Variants in MTRFR observed in about 807,000 individuals in gnomAD.
MTRFR encodes probable peptide chain release factor C12orf65, mitochondrial.
In MTRFR, 10 loss-of-function variants were observed where a neutral mutation model predicts 11.9. That is an observed-to-expected ratio of 0.84 (90% confidence interval 0.52 to 1.42). The LOEUF (loss-of-function observed/expected upper bound fraction) is 1.42. MTRFR is among the 40% of genes most tolerant of loss of function. MTRFR has a pLI of 0.00. For missense variants in MTRFR, 196 were observed against 197.9 expected (o/e 0.99, Z 0.06); for synonymous variants, 77 against 79.1 (o/e 0.97, Z 0.14).
chr12:123,253,645 A>G lies in MTRFR; in HGVS notation c.-28-2A>G, dbSNP rs2048142584. The G allele has an allele frequency of 6.2e-7, 1 of 1,613,990 alleles. No homozygotes were observed. The highest frequency in any genetic ancestry group is 1.3e-5 in the African/African-American group (1 of 75,032). Reference sequence around the variant, plus strand: ...AAAGCTCTCCTTATTCATCTAACCCAGGTCCTCAGCCAGCAGAGCCACGTT... The same window carrying G: ...AAAGCTCTCCTTATTCATCTAACCCGGGTCCTCAGCCAGCAGAGCCACGTT... On this transcript the variant is annotated splice_acceptor_variant, in intron 1 of 2. Transcript: ENST00000253233. LOFTEE classifies it low-confidence loss of function (5UTR_SPLICE).
chr12:123,254,192 G>A (rs2048154657), intron 2 of MTRFR: 4 of 547,766 alleles, frequency 7.3e-6, no homozygotes, highest in Non-Finnish European at 1.3e-5. Flanking sequence ...GGATCTTTTG[G>A]AGCCAGGGTA....
chr12:123,252,444 A>G (rs1347144151), intron 1 of MTRFR: 1 of 151,834 alleles, frequency 6.6e-6, no homozygotes, highest in East Asian at 1.9e-4. Context: ...AAAAAAAAAA[A>G]AAATTAGTTG....
Position 123,253,963 on chromosome 12 carries a change from C to A in MTRFR, c.282+7C>A, listed in dbSNP as rs575428106. On this transcript the variant is annotated splice_region_variant and intron_variant, in intron 2 of 2. Coordinates refer to ENST00000253233, the MANE Select transcript of MTRFR (RefSeq NM_152269.5). ...CTCAGGCATCGTTGTAAAGGTAGAT[C>A]ACAGAAGGCCGCTGAGGGGAGAGGC... 3 of 1,613,946 alleles carry A rather than the reference C, an allele frequency of 1.9e-6. No individual in the cohort carries two copies. Among genetic ancestry groups the A allele is most frequent in the African/African-American group, 1.3e-5 (1 of 75,046 alleles).
At chr12:123,240,652 G>A (rs569322094) in intron 1 of MTRFR, 29 of 148,858 alleles carry the variant, frequency 1.9e-4, no homozygotes, top group East Asian at 3.9e-4. Context: ...GATAAATGGC[G>A]TCCAGAAGGC....
rs775127232 is a variant in MTRFR at position 123,253,764 on chromosome 12, G to A, written c.90G>A (p.Thr30=). The part of the protein sequence containing the change: ...PWGLRLWEKL[T]LLSPGIAVTP... ...GACTCCGGCTTTGGGAGAAGCTGAC[G>A]TTGTTATCCCCAGGAATAGCTGTCA... The change falls in exon 2 of 3, where the codon ACG becomes ACA. Residue 30 remains threonine (T), a synonymous_variant. Coordinates refer to ENST00000253233, the MANE Select transcript of MTRFR (RefSeq NM_152269.5). The A allele has an allele frequency of 9.1e-5, 147 of 1,614,036 alleles. 1 individual carries two copies. In the South Asian group the frequency reaches 1.4e-3, roughly 15 times the overall value.
rs543710903 is a variant in MTRFR, at chr12:123,250,830, G to A, written c.-28-2817G>A. On this transcript the variant is annotated intron_variant, in intron 1 of 2. Coordinates refer to ENST00000253233, the MANE Select transcript of MTRFR (RefSeq NM_152269.5). ...CTGGTTGGCCTCCTGCCAGGAGGTG[G>A]TCCTTTCCAGAAAGCATCAGCTGTG... The A allele has an allele frequency of 2.0e-5, 3 of 152,360 alleles. No homozygotes were observed. The South Asian group carries it at 6.2e-4, about 32-fold the overall frequency. The allele number at this position is 152,360 out of a possible 1,614,324, so 9.4% of individuals were successfully genotyped here. A position where few individuals can be genotyped will look rare whatever the true frequency, so the allele number is the denominator to read the frequency against.
chr12:123,244,930 ATTTTTTT>A lies in MTRFR; in HGVS notation c.-28-8693_-28-8687del, dbSNP rs544105176. On this transcript the variant is annotated intron_variant, in intron 1 of 2. Transcript: ENST00000253233. ...ACAGGTATGAGCCACCGCACCCGGC[ATTTTTTT>A]TTTTTTTTTTTTTTTTTTTTTTTAG... 9.2e-5 allele frequency among the ~76,000 whole-genome samples: 6 copies of A among 65,094 alleles called. 1 individual carries two copies. The highest frequency in any genetic ancestry group is 1.2e-4 in the Non-Finnish European group (5 of 40,470). 42.7% of individuals were successfully genotyped at this position (65,094 alleles called of 152,430 possible).
chr12:123,246,160 C>T (rs968323268), intron 1 of MTRFR, among the ~76,000 whole-genome samples: 11 of 151,906 alleles, frequency 7.2e-5, no homozygotes, highest in South Asian at 2.1e-4. Context: ...CAGGTTCAAG[C>T]GGTTCTCCTG....
intron 1 of MTRFR, among the ~76,000 whole-genome samples, chr12:123,241,142 T>TG (rs1245805528): frequency 1.3e-4 from 14 of 105,096 alleles, no homozygotes; most frequent in South Asian, 7.1e-4. Flanking sequence ...TTTGGGGTTG[T>TG]TTTTTTTTTG....
intron 1 of MTRFR, among the ~76,000 whole-genome samples, chr12:123,244,332 C>T (rs1278795671): frequency 2.0e-5 from 3 of 151,474 alleles, no homozygotes; most frequent in African/African-American, 4.9e-5. Flanking sequence ...CTCAGGAGGC[C>T]GAGGCAGGAG....
At position 123,256,653 on chromosome 12, in the gene MTRFR, A is replaced by G. The variant is rs10773001; in HGVS notation, c.283-160A>G. Among the ~76,000 whole-genome samples, 96,959 of 152,124 alleles carry G rather than the reference A, an allele frequency of 0.64. 35,451 individuals are homozygous for G. The highest frequency in any genetic ancestry group is 1 in the East Asian group (5,170 of 5,192). On this transcript the variant is annotated intron_variant, in intron 2 of 2. Coordinates refer to ENST00000253233, the MANE Select transcript of MTRFR (RefSeq NM_152269.5). Reference sequence around the variant, plus strand: ...GGAGGTTGCAGTGAGCCAAGATCACACCATTGCACTCTAGCCTGGATGACA... The same window carrying G: ...GGAGGTTGCAGTGAGCCAAGATCACGCCATTGCACTCTAGCCTGGATGACA...
intron 1 of MTRFR, among the ~76,000 whole-genome samples, chr12:123,241,926 C>T (rs920257664): frequency 6.6e-6 from 1 of 152,202 alleles, no homozygotes; most frequent in Non-Finnish European, 1.5e-5. Flanking sequence ...ACAGCAAGCT[C>T]TCCAGGAGGA....
intron 1 of MTRFR, among the ~76,000 whole-genome samples, chr12:123,237,356 G>A (rs1328727279): frequency 6.6e-6 from 1 of 152,172 alleles, no homozygotes; most frequent in African/African-American, 2.4e-5. Context: ...CTTGAACCTG[G>A]GAGGCAGAGG....
intron 1 of MTRFR, among the ~76,000 whole-genome samples, chr12:123,242,497 G>C (rs528363970): frequency 6.6e-6 from 1 of 152,338 alleles, no homozygotes; most frequent in African/African-American, 2.4e-5. Context: ...GGCCTTTGGG[G>C]AAGTGGAACC....
chr12:123,238,274 C>G (rs1420171873), intron 1 of MTRFR, among the ~76,000 whole-genome samples: 1 of 152,134 alleles, frequency 6.6e-6, no homozygotes, highest in African/African-American at 2.4e-5. Context: ...GCTTCTGGCA[C>G]CACCTGCTGG....
intron 1 of MTRFR, among the ~76,000 whole-genome samples, chr12:123,241,436 C>G (rs2047935748): frequency 6.6e-6 from 1 of 152,146 alleles, no homozygotes; most frequent in Admixed American, 6.5e-5. Flanking sequence ...CTCCCGGGTT[C>G]AAGCAATTCT....
intron 1 of MTRFR, chr12:123,248,586 T>A: frequency 6.6e-6 from 1 of 152,514 alleles, no homozygotes; most frequent in Non-Finnish European, 1.5e-5. Context: ...TCTCGCTGAC[T>A]TCAGGAGTGA....
chr12:123,247,099 C>T (rs2048053770), intron 1 of MTRFR, among the ~76,000 whole-genome samples: 1 of 152,004 alleles, frequency 6.6e-6, no homozygotes, highest in South Asian at 2.1e-4. Flanking sequence ...GGAGAAAGTT[C>T]CATGTACTGT....
At chr12:123,247,229 G>C (rs1289029423) in intron 1 of MTRFR, among the ~76,000 whole-genome samples, 1 of 152,138 alleles carries the variant, frequency 6.6e-6, no homozygotes, top group Non-Finnish European at 1.5e-5. Flanking sequence ...TTGATGACCT[G>C]TCTAGTGCTG....
Sources: gnomAD v4.1 joint callset for allele counts (sites outside exome capture counted in the v4.1 genomes callset) on GRCh38, gnomAD v4.1.1 for gene constraint, MANE v1.5 for transcripts, NCBI Gene and HGNC (gene_info 2026-07-23, HGNC 2026-07-21) for gene names.